Variants in NTNG1 observed in about 807,000 individuals in gnomAD.
NTNG1 encodes the protein netrin-G1.
Under a neutral mutation model 54.0 loss-of-function variants are expected in NTNG1, and 16 were observed. That is an observed-to-expected ratio of 0.30 (90% CI 0.20 to 0.45). NTNG1 has a LOEUF of 0.45. NTNG1 is among the 20% of genes least tolerant of loss of function. The probability of loss-of-function intolerance (pLI) is 1.00; values close to 1 mark genes in which losing one functional copy is unlikely to be tolerated. For synonymous variants in NTNG1, 255 were observed against 263.1 expected (o/e 0.97, Z 0.30); for missense variants, 530 against 678.7 (o/e 0.78, Z 2.43).
At chr1:107,442,784 T>C (rs961520470) in intron 7 of NTNG1, among the ~76,000 whole-genome samples, 1 of 149,520 alleles carries the variant, frequency 6.7e-6, no homozygotes, top group South Asian at 2.1e-4. Context: ...GAGAGTCCCT[T>C]CTTTGATGAA....
At chr1:107,190,415 T>A (rs952367382) in intron 2 of NTNG1, among the ~76,000 whole-genome samples, 6 of 152,126 alleles carry the variant, frequency 3.9e-5, no homozygotes, top group African/African-American at 1.4e-4. Flanking sequence ...TTTTGTACCA[T>A]CATTTTTTTA....
intron 5 of NTNG1, 120 bp from the exon 6 acceptor site, chr1:107,430,630 C>A: frequency 1.0e-6 from 1 of 986,454 alleles, no homozygotes; most frequent in Non-Finnish European, 1.6e-6. Flanking sequence ...TGTGTTGAAT[C>A]ACATATATGT....
chr1:107,360,934 T>C (rs1270826516), intron 3 of NTNG1, among the ~76,000 whole-genome samples: 1 of 152,002 alleles, frequency 6.6e-6, no homozygotes, highest in African/African-American at 2.4e-5. Flanking sequence ...AGTTTTGTTA[T>C]TGATTTGTAT....
At chr1:107,268,246 ACTT>A (rs138465620) in intron 2 of NTNG1, among the ~76,000 whole-genome samples, 5,597 of 152,138 alleles carry the variant, frequency 0.037, 321 homozygotes, top group African/African-American at 0.13. Context: ...GGCTTTCTCT[ACTT>A]CTTTTACTTC....
chr1:107,246,491 T>A (rs1662212588), intron 2 of NTNG1, among the ~76,000 whole-genome samples: 1 of 151,920 alleles, frequency 6.6e-6, no homozygotes, highest in African/African-American at 2.4e-5. Context: ...AATATATTAA[T>A]CCCTGTTTTA....
chr1:107,434,488 G>C (rs2101359558), intron 6 of NTNG1, among the ~76,000 whole-genome samples: 1 of 152,290 alleles, frequency 6.6e-6, no homozygotes, highest in Middle Eastern at 3.4e-3. Flanking sequence ...GAGGATATAT[G>C]GTTTGTGACC....
intron 2 of NTNG1, among the ~76,000 whole-genome samples, chr1:107,257,577 C>T (rs1663010981): frequency 6.6e-6 from 1 of 152,166 alleles, no homozygotes; most frequent in South Asian, 2.1e-4. Context: ...ACAGCGGCTC[C>T]AGTCACCTGA....
Position 107,185,140 on chromosome 1 carries a change from T to A in NTNG1, c.246+36301T>A, listed in dbSNP as rs1488607058. Among the ~76,000 whole-genome samples, 5 of 152,204 alleles carry A rather than the reference T, an allele frequency of 3.3e-5. No individual in the cohort carries two copies. In the East Asian group the frequency reaches 5.8e-4, roughly 18 times the overall value. The stretch of plus-strand genomic sequence containing the variant: ...GTAGTCAATTTGTTACATAGCAGCT[T>A]TGAGCTTCAAGGTGAGTCATAGCAG... On this transcript the variant is annotated intron_variant, in intron 2 of 7. Transcript: ENST00000370068.
chr1:107,436,343 T>C (rs1397339903), intron 6 of NTNG1, among the ~76,000 whole-genome samples: 1 of 152,230 alleles, frequency 6.6e-6, no homozygotes, highest in Admixed American at 6.5e-5. Flanking sequence ...ATCCTTGATA[T>C]ACAAACTTCT....
chr1:107,320,997 A>G (rs1434246802), intron 2 of NTNG1, among the ~76,000 whole-genome samples: 1 of 152,086 alleles, frequency 6.6e-6, no homozygotes, highest in Non-Finnish European at 1.5e-5. Flanking sequence ...ATTCTGATCA[A>G]CTTCCTCTGA....
At chr1:107,480,574 G>GGCCCCCCC in intron 7 of NTNG1, 37 bp from the exon 8 acceptor site, 2 of 324,106 alleles carry the variant, frequency 6.2e-6, no homozygotes, top group Non-Finnish European at 5.8e-6. Flanking sequence ...TCTCCTCCCC[G>GGCCCCCCC]CGCCCACCCA....
At chr1:107,171,136 CT>C (rs937485140) in intron 2 of NTNG1, among the ~76,000 whole-genome samples, 26 of 152,078 alleles carry the variant, frequency 1.7e-4, no homozygotes, top group African/African-American at 5.8e-4. Flanking sequence ...ACTCTGTGCC[CT>C]TTTTAATATT....
At position 107,480,894 on chromosome 1, in the gene NTNG1, C is replaced by A. The variant is rs1171813659; in HGVS notation, c.*54C>A. Reference sequence around the variant, plus strand: ...CTGTGCCGTGGGGAAGCAGACACAACCCAAACATTTGCTACTAACATAGGA... The same window carrying A: ...CTGTGCCGTGGGGAAGCAGACACAAACCAAACATTTGCTACTAACATAGGA... On this transcript the variant is annotated 3_prime_UTR_variant, in exon 8 of 8. Coordinates refer to ENST00000370068, the MANE Select transcript of NTNG1 (RefSeq NM_001113226.3). The A allele has an allele frequency of 7.4e-7, 1 of 1,357,474 alleles. No individual in the cohort carries two copies. Among genetic ancestry groups the A allele is most frequent in the Non-Finnish European group, 1.0e-6 (1 of 976,846 alleles). The allele number at this position is 1,357,474 out of a possible 1,614,324, so 84.1% of individuals were successfully genotyped here.
intron 3 of NTNG1, among the ~76,000 whole-genome samples, chr1:107,392,541 T>C (rs1267656443): frequency 1.3e-5 from 2 of 151,696 alleles, no homozygotes; most frequent in Non-Finnish European, 2.9e-5. Context: ...GAGGGAGTGG[T>C]CCAGAGTCCC....
intron 5 of NTNG1, among the ~76,000 whole-genome samples, chr1:107,422,508 C>T (rs538632750): frequency 1.3e-5 from 2 of 152,168 alleles, no homozygotes; most frequent in Admixed American, 6.6e-5. Context: ...CAGGGAGAAG[C>T]TACCCAATGA....
At chr1:107,173,497 C>A (rs578125913) in intron 2 of NTNG1, among the ~76,000 whole-genome samples, 2 of 152,106 alleles carry the variant, frequency 1.3e-5, no homozygotes, top group Non-Finnish European at 2.9e-5. Flanking sequence ...ATCCACAACA[C>A]TTCGCTTTGC....
Position 107,384,553 on chromosome 1 carries a change from T to G in NTNG1, c.888-10601T>G, listed in dbSNP as rs1205790669. Among the ~76,000 whole-genome samples, 3 of 152,362 alleles carry G rather than the reference T, an allele frequency of 2.0e-5. No individual in the cohort carries two copies. The South Asian group carries it at 6.2e-4, about 32-fold the overall frequency. On this transcript the variant is annotated intron_variant, in intron 3 of 7. Coordinates refer to ENST00000370068, the MANE Select transcript of NTNG1 (RefSeq NM_001113226.3). Reference sequence around the variant, plus strand: ...CTGCATAGCAGTCTATTTCTCTGTTTATTTGTTTTTTCTTTATAGTCTATA... The same window carrying G: ...CTGCATAGCAGTCTATTTCTCTGTTGATTTGTTTTTTCTTTATAGTCTATA...
chr1:107,350,579 TG>T (rs376235309), intron 3 of NTNG1, among the ~76,000 whole-genome samples: 18 of 152,324 alleles, frequency 1.2e-4, no homozygotes, highest in African/African-American at 3.6e-4. Context: ...TGCAAAGATG[TG>T]GAATCACCCT....
chr1:107,254,013 T>G (rs1220159576), intron 2 of NTNG1, among the ~76,000 whole-genome samples: 1 of 152,240 alleles, frequency 6.6e-6, no homozygotes, highest in Non-Finnish European at 1.5e-5. Context: ...AGTGGTTGCC[T>G]GATTGCTGCT....
Sources: allele counts gnomAD v4.1 joint callset (sites outside exome capture counted in the v4.1 genomes callset), GRCh38; gene constraint gnomAD v4.1.1; transcripts MANE v1.5; gene names NCBI Gene and HGNC (gene_info 2026-07-23, HGNC 2026-07-21).